Variants in USP9X observed in about 807,000 individuals in gnomAD.
The protein encoded by USP9X is ubiquitin carboxyl-terminal hydrolase 9X.
In USP9X, 7 loss-of-function variants were observed where a neutral mutation model predicts 190.3. The ratio of observed to expected loss-of-function variants is 0.04; its 90% confidence interval spans 0.02 to 0.07. USP9X has a LOEUF of 0.07. Among genes scored for constraint, USP9X ranks in the 10% least tolerant of loss-of-function variants. The probability of loss-of-function intolerance (pLI) is 1.00; values close to 1 mark genes in which losing one functional copy is unlikely to be tolerated. For synonymous variants in USP9X, 645 were observed against 659.5 expected, an observed-to-expected ratio of 0.98 and a Z score of 0.34; for missense variants, 1,010 against 1,916.9, an observed-to-expected ratio of 0.53 and a Z score of 8.83.
At chrX:41,125,631 A>C (rs867774330) in intron 2 of USP9X, among the ~76,000 whole-genome samples, 21 of 54,998 alleles carry the variant, frequency 3.8e-4, no homozygotes, top group African/African-American at 8.4e-4. Context: ...CTCCCCCCAC[A>C]CCCCTCCCGC....
intron 6 of USP9X, 114 bp downstream of exon 6, chrX:41,137,136 TACAC>T (rs1311779044): frequency 6.8e-6 from 5 of 730,228 alleles, no homozygotes; most frequent in Non-Finnish European, 9.8e-6. Context: ...TAAATGAAAA[TACAC>T]ACAACCAGGA....
chrX:41,233,882 A>C lies in USP9X; in HGVS notation c.*1358A>C, dbSNP rs1222423697. The C allele has an allele frequency of 8.9e-6, 1 of 111,971 alleles. No homozygotes were observed. The allele number at this position is 111,971 out of a possible 1,213,427, so 9.2% of individuals were successfully genotyped here. Reference sequence around the variant, plus strand: ...TTTTTTGGAACCTGTCTAAAAACCAAATACCCCTGCAAACAGATACAGCCC... The same window carrying C: ...TTTTTTGGAACCTGTCTAAAAACCACATACCCCTGCAAACAGATACAGCCC... On this transcript the variant is annotated 3_prime_UTR_variant, in exon 45 of 45. Coordinates refer to ENST00000378308, the MANE Select transcript of USP9X (RefSeq NM_001039591.3).
Position 41,197,434 on chromosome X carries a change from A to G in USP9X, c.4304A>G (p.Lys1435Arg). 8.3e-7 allele frequency: 1 copy of G among 1,207,032 alleles called. No individual in the cohort carries two copies. Among genetic ancestry groups the G allele is most frequent in the South Asian group, 1.8e-5 (1 of 56,517 alleles). Reference sequence around the variant, plus strand: ...TTAGAGGGCCACCTTGGAGTGACAAAGGAGTTACTGGCCTTTCAAACTTCT... The same window carrying G: ...TTAGAGGGCCACCTTGGAGTGACAAGGGAGTTACTGGCCTTTCAAACTTCT... ...TILEGHLGVTKELLAFQTSEK... is the reference protein window; with the variant it reads ...TILEGHLGVTRELLAFQTSEK... The change falls in exon 29 of 45, where the codon AAG (lysine) becomes AGG (arginine). Residue 1435 changes from lysine to arginine, a missense_variant. Around this residue, in one of 11 missense-constraint regions of USP9X, gnomAD observed 351 missense variants for 480.8 expected, o/e 0.73. Coordinates refer to ENST00000378308, the MANE Select transcript of USP9X (RefSeq NM_001039591.3).
intron 41 of USP9X, among the ~76,000 whole-genome samples, chrX:41,226,981 TAC>T (rs2063319470): frequency 9.0e-6 from 1 of 111,665 alleles, no homozygotes; most frequent in Non-Finnish European, 1.9e-5. Flanking sequence ...TGTAAGCACT[TAC>T]AGTTTTAAAC....
chrX:41,190,127 A>G (rs1034292660), intron 26 of USP9X, among the ~76,000 whole-genome samples: 2 of 112,348 alleles, frequency 1.8e-5, no homozygotes, highest in Non-Finnish European at 3.8e-5. Context: ...ATTTTGTGAA[A>G]AGACACAGAA....
chrX:41,161,000 T>G (rs183608610), intron 14 of USP9X, among the ~76,000 whole-genome samples: 1,170 of 110,888 alleles, frequency 0.011, 19 homozygotes, highest in African/African-American at 0.037. Flanking sequence ...GAGGGGTGGG[T>G]AGAAGCCTGG....
chrX:41,115,304 G>A (rs955181161), intron 1 of USP9X, among the ~76,000 whole-genome samples: 9 of 110,493 alleles, frequency 8.1e-5, no homozygotes, highest in African/African-American at 3.0e-4. Flanking sequence ...TATAGCTTGT[G>A]TTGTACAGTT....
chrX:41,193,186 A>AC (rs2062952812), intron 26 of USP9X, among the ~76,000 whole-genome samples: 1 of 110,666 alleles, frequency 9.0e-6, no homozygotes, highest in East Asian at 2.8e-4. Flanking sequence ...AGGATAACAA[A>AC]CACCCTGTGA....
intron 19 of USP9X, 87 bp downstream of exon 19, chrX:41,170,322 T>C (rs1180962394): frequency 2.3e-5 from 25 of 1,081,165 alleles, no homozygotes; most frequent in African/African-American, 5.6e-5. Context: ...GCATTTGTTA[T>C]GTTTGGGACT....
chrX:41,120,683 A>G (rs182709536), intron 1 of USP9X, among the ~76,000 whole-genome samples: 1,580 of 109,971 alleles, frequency 0.014, 23 homozygotes, highest in African/African-American at 0.048. Context: ...TATTTTTAGT[A>G]GAGACGGGGT....
chrX:41,221,617 C>T (rs997260035), intron 38 of USP9X, among the ~76,000 whole-genome samples: 2 of 111,218 alleles, frequency 1.8e-5, no homozygotes, highest in Non-Finnish European at 3.8e-5. Flanking sequence ...TCCAGTCTGA[C>T]TAGAATTGAT....
rs760119240 is a variant in USP9X at position 41,147,548 on chromosome X, G to T, written c.1420-821G>T. Reference sequence around the variant, plus strand: ...AGCTCACTGCATCCTCCACTTCCTGGATTCAAGCAATTCTCCTGCCTCAGC... The same window carrying T: ...AGCTCACTGCATCCTCCACTTCCTGTATTCAAGCAATTCTCCTGCCTCAGC... On this transcript the variant is annotated intron_variant, in intron 11 of 44. Coordinates refer to ENST00000378308, the MANE Select transcript of USP9X (RefSeq NM_001039591.3). 3.8e-5 allele frequency among the ~76,000 whole-genome samples: 4 copies of T among 104,716 alleles called. No homozygotes were observed. The East Asian group carries it at 1.2e-3, about 32-fold the overall frequency. 90.9% of individuals were successfully genotyped at this position (104,716 alleles called of 115,157 possible).
intron 32 of USP9X, among the ~76,000 whole-genome samples, chrX:41,209,558 T>C (rs906816784): frequency 8.9e-6 from 1 of 112,039 alleles, no homozygotes; most frequent in Non-Finnish European, 1.9e-5. Context: ...GATCTCTCCT[T>C]TATAAAGGGT....
At chrX:41,208,316 C>T (rs979596333) in intron 32 of USP9X, among the ~76,000 whole-genome samples, 3 of 112,459 alleles carry the variant, frequency 2.7e-5, no homozygotes, top group Admixed American at 9.4e-5. Context: ...AGAGCCACTG[C>T]GCCCAGCTGA....
intron 1 of USP9X, among the ~76,000 whole-genome samples, chrX:41,096,026 C>G (rs1460983081): frequency 8.9e-6 from 1 of 112,322 alleles, no homozygotes; most frequent in African/African-American, 3.2e-5. Context: ...CCTCTATTGT[C>G]TTCCTTTCAA....
intron 18 of USP9X, among the ~76,000 whole-genome samples, chrX:41,169,060 A>G (rs1487179616): frequency 2.7e-5 from 3 of 111,869 alleles, no homozygotes; most frequent in Non-Finnish European, 5.6e-5. Context: ...AATAAAGTGC[A>G]TTGTGGCATT....
intron 1 of USP9X, among the ~76,000 whole-genome samples, chrX:41,093,931 C>T (rs2061971102): frequency 9.0e-6 from 1 of 111,617 alleles, no homozygotes; most frequent in Non-Finnish European, 1.9e-5. Context: ...CTCACATTTT[C>T]GGGAATGTGA....
chrX:41,211,838 G>A (rs1248412884), intron 33 of USP9X, among the ~76,000 whole-genome samples: 20 of 75,249 alleles, frequency 2.7e-4, no homozygotes, highest in Non-Finnish European at 4.9e-4. Context: ...GGAGGGAGGT[G>A]GGGGGGTCAG....
chrX:41,154,252 A>G (rs901313587), intron 14 of USP9X, among the ~76,000 whole-genome samples: 5 of 111,462 alleles, frequency 4.5e-5, no homozygotes, highest in South Asian at 3.7e-4. Flanking sequence ...AGTGTAATAG[A>G]ATGATCAAGG....
Sources: allele counts gnomAD v4.1 joint callset (sites outside exome capture counted in the v4.1 genomes callset), GRCh38; gene constraint gnomAD v4.1.1; regional missense constraint gnomAD v4.1.1; transcripts MANE v1.5; gene names NCBI Gene and HGNC (gene_info 2026-07-23, HGNC 2026-07-21).